OPCML: variants seen among roughly 807,000 people sequenced by gnomAD.
OPCML encodes the protein opioid-binding protein/cell adhesion molecule.
OPCML carries 13 observed loss-of-function variants against 37.8 expected under a neutral mutation model. That is an observed-to-expected ratio of 0.34 (90% confidence interval 0.22 to 0.55). The LOEUF is 0.55. Ranked by LOEUF, OPCML falls within the 20% of genes least tolerant of loss-of-function variation. The pLI is 0.91. For synonymous variants in OPCML, 176 were observed against 168.8 expected, an observed-to-expected ratio of 1.04 and a Z score of -0.33; for missense variants, 341 against 435.6, an observed-to-expected ratio of 0.78 and a Z score of 1.93.
intron 1 of OPCML, among the ~76,000 whole-genome samples, chr11:133,195,523 C>T (rs181822831): frequency 6.6e-6 from 1 of 152,076 alleles, no homozygotes; most frequent in Non-Finnish European, 1.5e-5. Flanking sequence ...ATTATGACAC[C>T]CAATCAAGTG....
intron 1 of OPCML, among the ~76,000 whole-genome samples, chr11:133,012,073 A>T (rs1292913620): frequency 6.6e-6 from 1 of 152,154 alleles, no homozygotes; most frequent in Non-Finnish European, 1.5e-5. Context: ...TCTACTGGGG[A>T]CAATTTTACT....
intron 2 of OPCML, among the ~76,000 whole-genome samples, chr11:132,844,749 G>T (rs1941446370): frequency 6.6e-6 from 1 of 152,010 alleles, no homozygotes; most frequent in Non-Finnish European, 1.5e-5. Context: ...AAAACATTGA[G>T]CAAATCTGTG....
chr11:133,506,689 C>T (rs2120584492), intron 1 of OPCML, among the ~76,000 whole-genome samples: 1 of 152,328 alleles, frequency 6.6e-6, no homozygotes, highest in Middle Eastern at 3.4e-3. Flanking sequence ...TCAGTGGAAG[C>T]AGTGGCTGCA....
intron 1 of OPCML, among the ~76,000 whole-genome samples, chr11:133,282,215 A>G (rs79681086): frequency 0.012 from 1,864 of 152,136 alleles, 46 homozygotes; most frequent in African/African-American, 0.043. Context: ...CCCATCACAG[A>G]CCCAGAGGCT....
chr11:133,523,661 A>G (rs998029524), intron 1 of OPCML, among the ~76,000 whole-genome samples: 2 of 152,192 alleles, frequency 1.3e-5, no homozygotes, highest in African/African-American at 2.4e-5. Context: ...ATGACCTTCA[A>G]GGGCTGTCTT....
intron 2 of OPCML, among the ~76,000 whole-genome samples, chr11:132,902,156 T>C (rs77192227): frequency 0.013 from 1,911 of 152,228 alleles, 53 homozygotes; most frequent in African/African-American, 0.044. Flanking sequence ...TCCAGGAATT[T>C]ATGGATTATA....
At chr11:132,921,924 G>C (rs947734222) in intron 2 of OPCML, among the ~76,000 whole-genome samples, 1 of 151,994 alleles carries the variant, frequency 6.6e-6, no homozygotes, top group Admixed American at 6.6e-5. Flanking sequence ...CTATCACCCA[G>C]GCTGGAGTGC....
chr11:133,159,500 G>T (rs906827267), intron 1 of OPCML, among the ~76,000 whole-genome samples: 4 of 152,242 alleles, frequency 2.6e-5, no homozygotes, highest in African/African-American at 9.6e-5. Flanking sequence ...TCTCACATTA[G>T]AGGGAAGACA....
intron 2 of OPCML, among the ~76,000 whole-genome samples, chr11:132,676,488 TA>T (rs200215449): frequency 1.2e-4 from 18 of 148,584 alleles, no homozygotes; most frequent in East Asian, 2.0e-4. Context: ...AGTGAGAAAG[TA>T]AAAAAAAAAT....
chr11:132,655,046 A>G (rs1414424299), intron 3 of OPCML, among the ~76,000 whole-genome samples: 3 of 152,218 alleles, frequency 2.0e-5, no homozygotes, highest in Non-Finnish European at 2.9e-5. Flanking sequence ...ATCGCTCAGC[A>G]TGTGTTATGG....
At chr11:132,656,415 G>C (rs1161067362) in intron 3 of OPCML, among the ~76,000 whole-genome samples, 2 of 152,124 alleles carry the variant, frequency 1.3e-5, no homozygotes, top group Admixed American at 6.5e-5. Context: ...CAATTCCTGG[G>C]CTATGTCGAT....
intron 4 of OPCML, among the ~76,000 whole-genome samples, chr11:132,477,438 T>TCAGTC (rs1319626026): frequency 6.6e-6 from 1 of 152,182 alleles, no homozygotes; most frequent in Non-Finnish European, 1.5e-5. Flanking sequence ...GAAGAGGTTA[T>TCAGTC]CAGTCCAGCC....
chr11:132,480,408 G>A lies in OPCML; in HGVS notation c.506-43049C>T, dbSNP rs550441070. ...CTACGTCTGATTGGTGTACCTGAAAGTGATGGGGAGAATGGAACCAAGTTG... is the reference window on the plus strand; with the variant it reads ...CTACGTCTGATTGGTGTACCTGAAAATGATGGGGAGAATGGAACCAAGTTG... On this transcript the variant is annotated intron_variant, in intron 4 of 7. Transcript: ENST00000524381. Among the ~76,000 whole-genome samples the A allele has an allele frequency of 1.7e-3, 256 of 152,322 alleles. 2 individuals are homozygous for A. Among genetic ancestry groups the A allele is most frequent in the African/African-American group, 5.8e-3 (243 of 41,560 alleles).
At chr11:132,563,515 C>A (rs1042257983) in intron 3 of OPCML, among the ~76,000 whole-genome samples, 4 of 151,750 alleles carry the variant, frequency 2.6e-5, no homozygotes, top group African/African-American at 9.7e-5. Context: ...AAATGTTTTG[C>A]AACTAGATAG....
chr11:132,858,858 T>C (rs780827627), intron 2 of OPCML, among the ~76,000 whole-genome samples: 3 of 152,198 alleles, frequency 2.0e-5, no homozygotes, highest in Non-Finnish European at 4.4e-5. Flanking sequence ...AACATAAAGG[T>C]AGCCGACTAT....
intron 1 of OPCML, among the ~76,000 whole-genome samples, chr11:133,257,916 A>C (rs1455343464): frequency 6.6e-6 from 1 of 152,006 alleles, no homozygotes; most frequent in East Asian, 1.9e-4. Context: ...AACTTCCAGA[A>C]AATACAAAGT....
intron 2 of OPCML, among the ~76,000 whole-genome samples, chr11:132,789,852 T>TCCA (rs748453131): frequency 5.9e-5 from 9 of 152,124 alleles, no homozygotes; most frequent in Non-Finnish European, 1.2e-4. Context: ...GAAGGTGTCA[T>TCCA]CCAGAAAGGG....
chr11:132,556,011 C>T (rs2096394706), intron 3 of OPCML, among the ~76,000 whole-genome samples: 1 of 151,990 alleles, frequency 6.6e-6, no homozygotes, highest in African/African-American at 2.4e-5. Context: ...TGATCATGGC[C>T]CACTGCAGCC....
intron 1 of OPCML, among the ~76,000 whole-genome samples, chr11:133,356,977 T>C (rs1944304715): frequency 6.6e-6 from 1 of 152,156 alleles, no homozygotes; most frequent in Non-Finnish European, 1.5e-5. Flanking sequence ...CTAATCCCAC[T>C]CAAGACCAAG....
Sources: gnomAD v4.1 joint callset for allele counts (sites outside exome capture counted in the v4.1 genomes callset) on GRCh38, gnomAD v4.1.1 for gene constraint, MANE v1.5 for transcripts, NCBI Gene and HGNC (gene_info 2026-07-23, HGNC 2026-07-21) for gene names.